BRD4: variants seen among roughly 807,000 people sequenced by gnomAD.
BRD4 encodes the protein bromodomain-containing protein 4.
BRD4 carries 16 observed loss-of-function variants against 142.1 expected under a neutral mutation model. The observed-to-expected ratio is 0.11, with a 90% CI of 0.08 to 0.17. The LOEUF (loss-of-function observed/expected upper bound fraction) is 0.17. Among genes scored for constraint, BRD4 ranks in the 10% least tolerant of loss-of-function variants. BRD4 has a pLI of 1.00. For synonymous variants in BRD4, 833 were observed against 707.5 expected (o/e 1.18, Z -2.82); for missense variants, 1,424 against 1,810.9 (o/e 0.79, Z 3.88).
rs538989938 is a variant in BRD4, at chr19:15,293,144, T to C, written c.-34-20011A>G. On this transcript the variant is annotated intron_variant, in intron 1 of 19. Transcript: ENST00000679869. Reference sequence around the variant, plus strand: ...AGAAAAAAATAAATAAATAAGCTCATCTTTAACTCAGAAAAAGATTAGCTG... The same window carrying C: ...AGAAAAAAATAAATAAATAAGCTCACCTTTAACTCAGAAAAAGATTAGCTG... Among the ~76,000 whole-genome samples the C allele has an allele frequency of 1.7e-4, 26 of 152,016 alleles. No individual in the cohort carries two copies. The South Asian group carries it at 3.9e-3, about 23-fold the overall frequency.
At chr19:15,324,262 A>G (rs758467212) in intron 1 of BRD4, among the ~76,000 whole-genome samples, 1 of 152,244 alleles carries the variant, frequency 6.6e-6, no homozygotes, top group Non-Finnish European at 1.5e-5. Context: ...AACGAAAAAT[A>G]GAACAAATGT....
At chr19:15,249,469 C>A (rs949768999) in intron 11 of BRD4, among the ~76,000 whole-genome samples, 3 of 152,142 alleles carry the variant, frequency 2.0e-5, no homozygotes, top group Non-Finnish European at 4.4e-5. Flanking sequence ...TGGGTAGGGA[C>A]AGACCCACCG....
intron 1 of BRD4, among the ~76,000 whole-genome samples, chr19:15,276,546 T>C (rs1023368987): frequency 3.3e-5 from 5 of 152,042 alleles, no homozygotes; most frequent in Non-Finnish European, 5.9e-5. Flanking sequence ...GCTTCCCTCA[T>C]CTCCATCTAC....
At chr19:15,263,683 G>C in intron 6 of BRD4, 135 bp from the exon 7 acceptor site, 3 of 1,132,570 alleles carry the variant, frequency 2.6e-6, no homozygotes, top group Non-Finnish European at 3.8e-6. Context: ...ACTCTAGTGG[G>C]GGGACAGGCC....
At chr19:15,297,880 C>T (rs528443159) in intron 1 of BRD4, among the ~76,000 whole-genome samples, 23 of 152,200 alleles carry the variant, frequency 1.5e-4, no homozygotes, top group Non-Finnish European at 2.6e-4. Flanking sequence ...AGGTGCAGCA[C>T]GGTGAAAGAG....
chr19:15,313,086 T>C (rs1280358708), intron 1 of BRD4, among the ~76,000 whole-genome samples: 6 of 151,006 alleles, frequency 4.0e-5, no homozygotes, highest in African/African-American at 1.2e-4. Context: ...AAAGTGTGAA[T>C]TGTGGCCGGG....
chr19:15,265,664 G>A lies in BRD4; in HGVS notation c.560-21C>T, dbSNP rs755600347. On this transcript the variant is annotated intron_variant, in intron 4 of 19. Coordinates refer to ENST00000679869, the MANE Select transcript of BRD4 (RefSeq NM_001379291.1). ...TGTCCCTACAAATCATAATAAGACGGCGAGTTAGAGACCATGCTGACATCC... is the reference window on the plus strand; with the variant it reads ...TGTCCCTACAAATCATAATAAGACGACGAGTTAGAGACCATGCTGACATCC... The A allele has an allele frequency of 1.1e-5, 17 of 1,613,680 alleles. No homozygotes were observed. The South Asian group carries it at 1.5e-4, about 15-fold the overall frequency.
intron 1 of BRD4, among the ~76,000 whole-genome samples, chr19:15,277,634 A>T (rs1047030428): frequency 1.3e-5 from 2 of 151,158 alleles, no homozygotes; most frequent in African/African-American, 4.9e-5. Context: ...AAAAAAAAAA[A>T]AAAAAAGTAC....
intron 9 of BRD4, 109 bp from the exon 10 acceptor site, chr19:15,255,701 C>T (rs1290714796): frequency 1.1e-5 from 15 of 1,357,578 alleles, no homozygotes; most frequent in Non-Finnish European, 1.5e-5. Context: ...CCATACCCCC[C>T]ACCCACCAGC....
At position 15,239,464 on chromosome 19, in the gene BRD4, G is replaced by A. The variant is rs138397884; in HGVS notation, c.3504C>T (p.Asn1168=). 2.5e-5 allele frequency: 41 copies of A among 1,614,004 alleles called. No homozygotes were observed. The highest frequency in any genetic ancestry group is 1.6e-4 in the Middle Eastern group (1 of 6,082). The change falls in exon 17 of 20, where the codon AAC becomes AAT. Residue 1168 remains asparagine (N), a synonymous_variant. Transcript: ENST00000679869. This position sits in a 1 kb window ranked among gnomAD's most constrained non-coding sequence, Gnocchi z 7.4. The part of the protein sequence containing the change: ...GRPVIRPPEQ[N]APPPGAPDKD... ...TGTCAGGGGCCCCTGGTGGCGGTGCGTTCTGCTCTGGGGGCCGGATCACAG... is the reference window on the plus strand; with the variant it reads ...TGTCAGGGGCCCCTGGTGGCGGTGCATTCTGCTCTGGGGGCCGGATCACAG...
At position 15,273,018 on chromosome 19, in the gene BRD4, T is replaced by C. The variant is rs773685828; in HGVS notation, c.82A>G (p.Thr28Ala). Reference protein sequence around the residue: ...GDGLETSQMSTTQAQAQPQPA... With the variant: ...GDGLETSQMSATQAQAQPQPA... ...TGGGGTTGGGCCTGGGCCTGTGTTGTAGACATTTGGGAAGTTTCTAGTCCA... is the reference window on the plus strand; with the variant it reads ...TGGGGTTGGGCCTGGGCCTGTGTTGCAGACATTTGGGAAGTTTCTAGTCCA... Residue 28 changes from threonine to alanine, a missense_variant, in exon 2 of 20, where the codon ACA becomes GCA. Thr to Ala is a moderately conservative substitution (Grantham distance 58). Coordinates refer to ENST00000679869, the MANE Select transcript of BRD4 (RefSeq NM_001379291.1). 6 of 1,613,958 alleles carry C rather than the reference T, an allele frequency of 3.7e-6. No individual in the cohort carries two copies. The highest frequency in any genetic ancestry group is 5.1e-6 in the Non-Finnish European group (6 of 1,179,968).
At chr19:15,322,259 G>GGTTTT (rs756245664) in intron 1 of BRD4, among the ~76,000 whole-genome samples, 13 of 152,162 alleles carry the variant, frequency 8.5e-5, no homozygotes, top group East Asian at 5.8e-4. Context: ...CATGACCCAT[G>GGTTTT]GTTTTGTTTT....
In BRD4 at chr19:15,238,315, C is replaced by G; in HGVS notation, c.*62G>C. ...GCTGATCCCACCTCCACCACCGCCCCTAACACTATGGAAAGTCAATGTTTT... is the reference window on the plus strand; with the variant it reads ...GCTGATCCCACCTCCACCACCGCCCGTAACACTATGGAAAGTCAATGTTTT... On this transcript the variant is annotated 3_prime_UTR_variant, in exon 20 of 20. Coordinates refer to ENST00000679869, the MANE Select transcript of BRD4 (RefSeq NM_001379291.1). The surrounding 1 kb of genome is among the most constrained non-coding windows in gnomAD (Gnocchi z 7.2). 6.2e-7 allele frequency: 1 copy of G among 1,609,288 alleles called. No individual in the cohort carries two copies. Among genetic ancestry groups the G allele is most frequent in the East Asian group, 2.2e-5 (1 of 44,846 alleles).
intron 2 of BRD4, among the ~76,000 whole-genome samples, chr19:15,272,195 G>C (rs1288147625): frequency 6.6e-6 from 1 of 152,250 alleles, no homozygotes; most frequent in Admixed American, 6.5e-5. Context: ...AGAGAAGAGG[G>C]GCGGGCTCAC....
chr19:15,256,934 GA>G, intron 8 of BRD4, 29 bp downstream of exon 8: 1 of 1,530,508 alleles, frequency 6.5e-7, no homozygotes, highest in South Asian at 1.2e-5. Flanking sequence ...GGACTCTGGG[GA>G]TTAAGAATGG....
chr19:15,267,630 ACC>A, intron 3 of BRD4, 79 bp from the exon 4 acceptor site: 2 of 1,206,834 alleles, frequency 1.7e-6, no homozygotes, highest in Non-Finnish European at 2.2e-6. Context: ...CATGCCACCC[ACC>A]CCCTGCCCCC....
chr19:15,304,300 G>A (rs2047895538), intron 1 of BRD4, among the ~76,000 whole-genome samples: 1 of 152,190 alleles, frequency 6.6e-6, no homozygotes, highest in Non-Finnish European at 1.5e-5. Context: ...TCTGCCCAAG[G>A]AGGCTGAGCT....
In BRD4 at chr19:15,243,193, GGCAGGGGGGGTGGGGGCT is replaced by G; in HGVS notation, c.2858_2875del (p.Gln953_Leu958del). 1 of 872,086 alleles carries G rather than the reference GGCAGGGGGGGTGGGGGCT, an allele frequency of 1.1e-6. No homozygotes were observed. The highest frequency in any genetic ancestry group is 1.6e-6 in the Non-Finnish European group (1 of 612,446). 54.0% of individuals were successfully genotyped at this position (872,086 alleles called of 1,614,324 possible). A position where few individuals can be genotyped will look rare whatever the true frequency, so the allele number is the denominator to read the frequency against. ...CTGCACAGAGGGGTGGGGTGGGGGCGGCAGGGGGGGTGGGGGCTGGGACTGCACCTTCACGGAAGGGAG... is the reference window on the plus strand; with the variant it reads ...CTGCACAGAGGGGTGGGGTGGGGGCGGGGACTGCACCTTCACGGAAGGGAG... On this transcript the variant is annotated inframe_deletion, in exon 14 of 20. Transcript: ENST00000679869.
chr19:15,264,302 C>T, intron 6 of BRD4, 102 bp downstream of exon 6: 10 of 1,464,320 alleles, frequency 6.8e-6, no homozygotes, highest in Non-Finnish European at 9.1e-6. Flanking sequence ...AGCCACCGTT[C>T]CAGGGCCTGG....
Sources: allele counts gnomAD v4.1 joint callset (sites outside exome capture counted in the v4.1 genomes callset), GRCh38; gene constraint gnomAD v4.1.1; non-coding constraint Gnocchi (gnomAD v3.1); transcripts MANE v1.5; gene names NCBI Gene and HGNC (gene_info 2026-07-23, HGNC 2026-07-21).